The following FRRS1L variants were observed in gnomAD, a reference collection of about 807,000 sequenced individuals.
The protein encoded by FRRS1L is DOMON domain-containing protein FRRS1L.
FRRS1L carries 22 observed loss-of-function variants against 28.6 expected under a neutral mutation model. The ratio of observed to expected loss-of-function variants is 0.77; its 90% confidence interval spans 0.55 to 1.10. The LOEUF is 1.10. Among genes scored for constraint, FRRS1L ranks in the 50% least tolerant of loss-of-function variants. The pLI is 0.00. For synonymous variants in FRRS1L, 158 were observed against 151.4 expected (o/e 1.04, Z -0.32); for missense variants, 380 against 386.9 (o/e 0.98, Z 0.15).
chr9:109,145,523 C>A (rs12377869), intron 3 of FRRS1L, among the ~76,000 whole-genome samples: 56,199 of 151,814 alleles, frequency 0.37, 10,855 homozygotes, highest in Admixed American at 0.48. Flanking sequence ...CGTGTGAAAC[C>A]CCATCTCTAC....
chr9:109,165,411 G>C (rs916389773), intron 1 of FRRS1L, among the ~76,000 whole-genome samples: 4 of 152,186 alleles, frequency 2.6e-5, no homozygotes, highest in Non-Finnish European at 5.9e-5. Context: ...AAGCCTCAGG[G>C]GGATGGCAGA....
At chr9:109,159,739 C>T (rs1031086305) in intron 1 of FRRS1L, among the ~76,000 whole-genome samples, 11 of 152,200 alleles carry the variant, frequency 7.2e-5, no homozygotes, top group African/African-American at 2.7e-4. Context: ...AAGTTGGCCT[C>T]ATCCAATCAG....
chr9:109,153,671 T>C (rs1831365002), intron 1 of FRRS1L, among the ~76,000 whole-genome samples: 1 of 152,224 alleles, frequency 6.6e-6, no homozygotes, highest in Non-Finnish European at 1.5e-5. Context: ...CCAGTTGGTC[T>C]GAGGTGTGGA....
intron 1 of FRRS1L, among the ~76,000 whole-genome samples, chr9:109,161,709 T>C (rs901183712): frequency 6.6e-6 from 1 of 152,198 alleles, no homozygotes; most frequent in Non-Finnish European, 1.5e-5. Context: ...AATTAATGGC[T>C]TGGCTCACAG....
intron 4 of FRRS1L, 164 bp from the exon 5 acceptor site, chr9:109,137,791 T>C (rs1430894837): frequency 3.5e-5 from 14 of 395,276 alleles, no homozygotes; most frequent in Admixed American, 8.5e-5. Flanking sequence ...TTCTCTATCA[T>C]TGTACATATA....
chr9:109,166,802 C>A (rs1197857460), intron 1 of FRRS1L, 99 bp downstream of exon 1: 3 of 179,058 alleles, frequency 1.7e-5, no homozygotes, highest in Non-Finnish European at 2.3e-5. Context: ...CTTTTCCGAC[C>A]CCCTCCCCCT....
chr9:109,138,060 T>C (rs1395534528), intron 4 of FRRS1L: 1 of 152,696 alleles, frequency 6.5e-6, no homozygotes, highest in Non-Finnish European at 1.5e-5. Flanking sequence ...CAAATCTATC[T>C]TGTATATATA....
In FRRS1L at chr9:109,131,635, C is replaced by A. The variant is rs577677320; in HGVS notation, c.*5820G>T. On this transcript the variant is annotated 3_prime_UTR_variant, in exon 5 of 5. Transcript: ENST00000561981. ...GTCAAAACAATTATGGGACATAACC[C>A]CATTGTAAGTTGTAGGAATGTATCA... 8.5e-5 allele frequency: 13 copies of A among 152,126 alleles called. No individual in the cohort carries two copies. The highest frequency in any genetic ancestry group is 8.8e-5 in the Non-Finnish European group (6 of 68,030). 9.4% of individuals were successfully genotyped at this position (152,126 alleles called of 1,614,324 possible).
intron 3 of FRRS1L, among the ~76,000 whole-genome samples, chr9:109,144,746 C>T (rs1049695823): frequency 3.9e-5 from 6 of 151,924 alleles, no homozygotes; most frequent in Non-Finnish European, 7.4e-5. Context: ...TACAATGGCA[C>T]GATCTCAGCT....
chr9:109,151,594 C>A, intron 1 of FRRS1L: 1 of 242,966 alleles, frequency 4.1e-6, no homozygotes, highest in South Asian at 6.3e-5. Flanking sequence ...CTCAGGGCTC[C>A]CACTGATTCT....
intron 1 of FRRS1L, among the ~76,000 whole-genome samples, chr9:109,155,321 C>T (rs1368280710): frequency 6.6e-6 from 1 of 152,220 alleles, no homozygotes; most frequent in Non-Finnish European, 1.5e-5. Context: ...AATCTATCCA[C>T]ATATGTAAGA....
At position 109,147,203 on chromosome 9, in the gene FRRS1L, C is replaced by G. The variant is rs548150656; in HGVS notation, c.324-14G>C. The stretch of plus-strand genomic sequence containing the variant: ...GGTTTGCCATATCTAGAAGAGATAT[C>G]GAAAGAGACTTTACTGCTTCTACTT... On this transcript the variant is annotated splice_polypyrimidine_tract_variant and intron_variant, in intron 2 of 4. Transcript: ENST00000561981. The G allele has an allele frequency of 6.2e-7, 1 of 1,604,380 alleles. No homozygotes were observed.
Position 109,137,431 on chromosome 9 carries a change from A to G in FRRS1L, c.*24T>C. The G allele has an allele frequency of 7.0e-7, 1 of 1,438,634 alleles. No homozygotes were observed. The highest frequency in any genetic ancestry group is 1.6e-5 in the South Asian group (1 of 62,738). The allele number at this position is 1,438,634 out of a possible 1,614,324, so 89.1% of individuals were successfully genotyped here. A position where few individuals can be genotyped will look rare whatever the true frequency, so the allele number is the denominator to read the frequency against. ...ATACTAAAGACTTCCCAATCCATGTAATCTGTTGGCCCTGCAGCTGTGGTT... is the reference window on the plus strand; with the variant it reads ...ATACTAAAGACTTCCCAATCCATGTGATCTGTTGGCCCTGCAGCTGTGGTT... On this transcript the variant is annotated 3_prime_UTR_variant, in exon 5 of 5. Transcript: ENST00000561981.
chr9:109,134,211 C>G lies in FRRS1L; in HGVS notation c.*3244G>C, dbSNP rs1199996081. The G allele has an allele frequency of 2.0e-5, 3 of 152,168 alleles. No homozygotes were observed. Among genetic ancestry groups the G allele is most frequent in the Non-Finnish European group, 4.4e-5 (3 of 68,026 alleles). 9.4% of individuals were successfully genotyped at this position (152,168 alleles called of 1,614,324 possible). A position where few individuals can be genotyped will look rare whatever the true frequency, so the allele number is the denominator to read the frequency against. ...GTATAGTTTCACATATAGATTCATTCCACAAATGTTTGCTGAGTACCTGAT... is the reference window on the plus strand; with the variant it reads ...GTATAGTTTCACATATAGATTCATTGCACAAATGTTTGCTGAGTACCTGAT... On this transcript the variant is annotated 3_prime_UTR_variant, in exon 5 of 5. Coordinates refer to ENST00000561981, the MANE Select transcript of FRRS1L (RefSeq NM_014334.4).
Position 109,134,487 on chromosome 9 carries a change from G to A in FRRS1L, c.*2968C>T, listed in dbSNP as rs1831090990. Reference sequence around the variant, plus strand: ...GAGGTGGAGAATATGAACAAAATGAGAGGTGAGATAGAGCAGGTCTGAAGA... The same window carrying A: ...GAGGTGGAGAATATGAACAAAATGAAAGGTGAGATAGAGCAGGTCTGAAGA... On this transcript the variant is annotated 3_prime_UTR_variant, in exon 5 of 5. Transcript: ENST00000561981. 6.6e-6 allele frequency: 1 copy of A among 152,200 alleles called. No homozygotes were observed. Among genetic ancestry groups the A allele is most frequent in the Admixed American group, 6.5e-5 (1 of 15,284 alleles). 9.4% of individuals were successfully genotyped at this position (152,200 alleles called of 1,614,324 possible).
chr9:109,160,327 G>C (rs1338191110), intron 1 of FRRS1L, among the ~76,000 whole-genome samples: 1 of 152,116 alleles, frequency 6.6e-6, no homozygotes, highest in Non-Finnish European at 1.5e-5. Context: ...GCCACCTACA[G>C]TCTCACAATC....
chr9:109,141,907 T>A (rs1588097220), intron 3 of FRRS1L, among the ~76,000 whole-genome samples: 1 of 137,470 alleles, frequency 7.3e-6, no homozygotes, highest in Admixed American at 7.4e-5. Flanking sequence ...ATTAAAAAAA[T>A]ACCTAGCCTA....
At position 109,167,202 on chromosome 9, in the gene FRRS1L, C is replaced by T; in HGVS notation, c.-64G>A. 1.6e-6 allele frequency: 2 copies of T among 1,256,744 alleles called. No individual in the cohort carries two copies. Among genetic ancestry groups the T allele is most frequent in the Non-Finnish European group, 2.0e-6 (2 of 998,572 alleles). 77.8% of individuals were successfully genotyped at this position (1,256,744 alleles called of 1,614,324 possible). A position where few individuals can be genotyped will look rare whatever the true frequency, so the allele number is the denominator to read the frequency against. On this transcript the variant is annotated 5_prime_UTR_variant, in exon 1 of 5. Transcript: ENST00000561981. ...CAGCGGGGGCGCCGCGGGCGCGGGC[C>T]GGGACTGAGCCTCCGCCGAGGCCAC...
At position 109,141,400 on chromosome 9, in the gene FRRS1L, T is replaced by C; in HGVS notation, c.652A>G (p.Ile218Val). The C allele has an allele frequency of 6.2e-7, 1 of 1,614,108 alleles. No homozygotes were observed. Among genetic ancestry groups the C allele is most frequent in the Non-Finnish European group, 8.5e-7 (1 of 1,179,970 alleles). Reference protein sequence around the residue: ...RPVNVPRDETIVDLHLSWYYL... With the variant: ...RPVNVPRDETVVDLHLSWYYL... ...TACCAACTCAAATGCAGATCAACAATTGTTTCATCTCTGGGAACATTCACA... is the reference window on the plus strand; with the variant it reads ...TACCAACTCAAATGCAGATCAACAACTGTTTCATCTCTGGGAACATTCACA... The change falls in exon 4 of 5, where the codon ATT (isoleucine) becomes GTT (valine). Residue 218 changes from isoleucine to valine, a missense_variant. By Grantham distance (29) the Ile-to-Val change is conservative. Coordinates refer to ENST00000561981, the MANE Select transcript of FRRS1L (RefSeq NM_014334.4).
Sources: allele counts gnomAD v4.1 joint callset (sites outside exome capture counted in the v4.1 genomes callset), GRCh38; gene constraint gnomAD v4.1.1; transcripts MANE v1.5; gene names NCBI Gene and HGNC (gene_info 2026-07-23, HGNC 2026-07-21).